NME8: variants seen among roughly 807,000 people sequenced by gnomAD.
NME8 encodes the protein NME/NM23 family member 8.
Under a neutral mutation model 82.3 loss-of-function variants are expected in NME8, and 72 were observed. The observed-to-expected ratio is 0.87, with a 90% CI of 0.72 to 1.06. The LOEUF (loss-of-function observed/expected upper bound fraction) is 1.06. Ranked by LOEUF, NME8 falls within the 50% of genes least tolerant of loss-of-function variation. The pLI is 0.00. For missense variants in NME8, 712 were observed against 685.4 expected, an observed-to-expected ratio of 1.04 and a Z score of -0.43; for synonymous variants, 267 against 228.5, an observed-to-expected ratio of 1.17 and a Z score of -1.52.
At chr7:37,874,993 G>A (rs1156610929) in intron 11 of NME8, among the ~76,000 whole-genome samples, 1 of 152,118 alleles carries the variant, frequency 6.6e-6, no homozygotes, top group Non-Finnish European at 1.5e-5. Flanking sequence ...AGCAAGTAAC[G>A]GACCAAGAAG....
intron 12 of NME8, among the ~76,000 whole-genome samples, chr7:37,882,141 T>G (rs748848410): frequency 1.3e-5 from 2 of 152,198 alleles, no homozygotes; most frequent in Non-Finnish European, 2.9e-5. Flanking sequence ...CACATTTATT[T>G]AACTATTAAG....
In NME8 at chr7:37,881,069, T is replaced by C. The variant is rs187203516; in HGVS notation, c.995-3234T>C. On this transcript the variant is annotated intron_variant, in intron 12 of 17. Coordinates refer to ENST00000199447, the MANE Select transcript of NME8 (RefSeq NM_016616.5). ...AATGATGATGATGATTCTTTGGGAT[T>C]TTCTACATAGACAGTCATGCCCTCT... Among the ~76,000 whole-genome samples, 332 of 152,298 alleles carry C rather than the reference T, an allele frequency of 2.2e-3. 1 individual carries two copies. Among genetic ancestry groups the C allele is most frequent in the African/African-American group, 7.7e-3 (321 of 41,562 alleles).
At position 37,863,385 on chromosome 7, in the gene NME8, C is replaced by A; in HGVS notation, c.388-11C>A. 1 of 1,535,974 alleles carries A rather than the reference C, an allele frequency of 6.5e-7. No individual in the cohort carries two copies. The highest frequency in any genetic ancestry group is 1.1e-5 in the South Asian group (1 of 89,298). ...ACTGTGTTATCTTTGCATTGCATTTCTTTTTCATAGTATCCTGAAATTCCA... is the reference window on the plus strand; with the variant it reads ...ACTGTGTTATCTTTGCATTGCATTTATTTTTCATAGTATCCTGAAATTCCA... On this transcript the variant is annotated splice_polypyrimidine_tract_variant and intron_variant, in intron 7 of 17. Coordinates refer to ENST00000199447, the MANE Select transcript of NME8 (RefSeq NM_016616.5).
chr7:37,896,358 G>A (rs149273728), intron 16 of NME8, among the ~76,000 whole-genome samples: 45 of 144,884 alleles, frequency 3.1e-4, no homozygotes, highest in African/African-American at 1.1e-3. Flanking sequence ...GGGGATGACG[G>A]CAAGTCAAGA....
At chr7:37,862,267 A>G (rs1562830739) in intron 7 of NME8, 123 bp downstream of exon 7, 1 of 717,388 alleles carries the variant, frequency 1.4e-6, no homozygotes, top group East Asian at 2.7e-5. Context: ...TTTTAATTTT[A>G]AAAAAGTACA....
At chr7:37,870,277 T>C (rs1337474781) in intron 11 of NME8, among the ~76,000 whole-genome samples, 3 of 150,670 alleles carry the variant, frequency 2.0e-5, no homozygotes, top group African/African-American at 7.3e-5. Flanking sequence ...AAAAAATATA[T>C]ATCATAATGT....
Position 37,884,307 on chromosome 7 carries a change from T to A in NME8, c.999T>A (p.Asp333Glu). 1.3e-6 allele frequency: 2 copies of A among 1,574,652 alleles called. No homozygotes were observed. Among genetic ancestry groups the A allele is most frequent in the Non-Finnish European group, 1.7e-6 (2 of 1,144,244 alleles). ...RPNLFHERKD[D>E]VLRIIKDEDF... ...TATGTAACTGTTTTTATTTAGATGA[T>A]GTTTTGCGTATTATTAAAGATGAAG... Residue 333 changes from aspartate to glutamate, a missense_variant, in exon 13 of 18, where the codon GAT becomes GAA. Physicochemically the swap from Asp to Glu is conservative, Grantham distance 45 (BLOSUM62 2). Transcript: ENST00000199447.
chr7:37,849,482 A>G (rs187092592), intron 2 of NME8, among the ~76,000 whole-genome samples: 128 of 152,340 alleles, frequency 8.4e-4, no homozygotes, highest in Admixed American at 2.0e-3. Flanking sequence ...AGAGCCTAGC[A>G]TACAATAGTC....
rs957883475 is a variant in NME8 at position 37,896,888 on chromosome 7, G to C, written c.1563G>C (p.Met521Ile). The change falls in exon 17 of 18, where the codon ATG becomes ATC. Residue 521 changes from methionine to isoleucine, a missense_variant. Transcript: ENST00000199447. ...TTTGCAGGGGTCCATCTATGGTCAT[G>C]ATTCTGACCAAGTGGAATGCTGTTG... is the stretch of plus-strand genomic sequence containing the variant. The part of the protein sequence containing the change: ...EMLSVGPSMV[M>I]ILTKWNAVAE... 3 of 1,613,552 alleles carry C rather than the reference G, an allele frequency of 1.9e-6. No homozygotes were observed. The highest frequency in any genetic ancestry group is 1.7e-6 in the Non-Finnish European group (2 of 1,179,706).
intron 15 of NME8, among the ~76,000 whole-genome samples, chr7:37,889,621 C>T (rs1262242353): frequency 2.6e-5 from 4 of 151,662 alleles, no homozygotes; most frequent in African/African-American, 9.7e-5. Context: ...TCCCTTGGGC[C>T]TTTGAGTTAT....
intron 11 of NME8, 67 bp downstream of exon 11, chr7:37,867,965 C>T: frequency 2.3e-6 from 3 of 1,325,390 alleles, no homozygotes; most frequent in Non-Finnish European, 3.2e-6. Flanking sequence ...GTAGTGTAGG[C>T]ACCTCAGTAC....
At chr7:37,893,963 G>C (rs929107722) in intron 15 of NME8, among the ~76,000 whole-genome samples, 39 of 152,228 alleles carry the variant, frequency 2.6e-4, no homozygotes, top group African/African-American at 9.1e-4. Context: ...TTACCAGAAA[G>C]CTCCCAGTTT....
intron 11 of NME8, among the ~76,000 whole-genome samples, chr7:37,876,314 CAAAT>C (rs1784852404): frequency 6.6e-6 from 1 of 151,478 alleles, no homozygotes; most frequent in African/African-American, 2.4e-5. Flanking sequence ...TTACACATTA[CAAAT>C]AATTTTTTCT....
intron 8 of NME8, among the ~76,000 whole-genome samples, 156 bp downstream of exon 8, chr7:37,863,618 A>G (rs946584648): frequency 6.6e-6 from 1 of 152,200 alleles, no homozygotes; most frequent in Non-Finnish European, 1.5e-5. Context: ...AGACTCAGCT[A>G]TTAAAAAGCA....
At chr7:37,900,196 G>C (rs1785293122) in intron 17 of NME8, 48 bp from the exon 18 acceptor site, 1 of 152,174 alleles carries the variant, frequency 6.6e-6, no homozygotes, top group Admixed American at 6.5e-5. Context: ...AAAGATTAGT[G>C]TATAGCACTG....
intron 11 of NME8, among the ~76,000 whole-genome samples, chr7:37,872,148 C>T (rs1215759905): frequency 2.0e-5 from 3 of 151,934 alleles, no homozygotes; most frequent in African/African-American, 7.3e-5. Context: ...GTGGACTTCA[C>T]TGAGACTTCC....
rs918314190 is a variant in NME8, at chr7:37,892,028, A to AT, written c.1400-2430dup. On this transcript the variant is annotated intron_variant, in intron 15 of 17. Transcript: ENST00000199447. ...TGGATAGAAATAATCCTAGGCTCAC[A>AT]TTTTTTTTCTTGGAGTTTCTTGACA... Among the ~76,000 whole-genome samples the AT allele has an allele frequency of 2.6e-5, 4 of 151,794 alleles. No homozygotes were observed. The South Asian group carries it at 6.2e-4, about 24-fold the overall frequency.
chr7:37,886,948 A>G (rs1413362969), intron 14 of NME8, among the ~76,000 whole-genome samples: 1 of 152,156 alleles, frequency 6.6e-6, no homozygotes, highest in Non-Finnish European at 1.5e-5. Context: ...AGCTGGGGAC[A>G]GAAAACCAAG....
In NME8 at chr7:37,850,282, C is replaced by T. The variant is rs750045501; in HGVS notation, c.16C>T (p.Arg6Ter). 1.4e-5 allele frequency: 22 copies of T among 1,613,860 alleles called. No homozygotes were observed. The highest frequency in any genetic ancestry group is 8.9e-5 in the East Asian group (4 of 44,892). Residue 6 changes from arginine (R) to a stop codon, truncating the protein, a stop_gained, in exon 3 of 18, where the codon CGA becomes TGA. Coordinates refer to ENST00000199447, the MANE Select transcript of NME8 (RefSeq NM_016616.5). LOFTEE classifies it high-confidence loss of function. MASKK[R>*]EVQLQTVINN... ...TAGTAGATAAATGGCAAGCAAAAAA[C>T]GAGAAGTCCAGTTACAGGTGGGTCT... is the stretch of plus-strand genomic sequence containing the variant.
Sources: allele counts gnomAD v4.1 joint callset (sites outside exome capture counted in the v4.1 genomes callset), GRCh38; gene constraint gnomAD v4.1.1; transcripts MANE v1.5; gene names NCBI Gene and HGNC (gene_info 2026-07-23, HGNC 2026-07-21).